Variants in BRINP3 observed in about 807,000 individuals in gnomAD.
BRINP3 encodes the protein BMP/retinoic acid inducible neural specific 3.
In BRINP3, 19 loss-of-function variants were observed where a neutral mutation model predicts 71.0. The observed-to-expected ratio is 0.27, with a 90% CI of 0.19 to 0.39. The LOEUF (loss-of-function observed/expected upper bound fraction) is 0.39. Ranked by LOEUF, BRINP3 falls within the 10% of genes least tolerant of loss-of-function variation. The pLI, the probability that BRINP3 is intolerant of heterozygous loss-of-function variation, is 1.00. For synonymous variants in BRINP3, 380 were observed against 337.7 expected, an observed-to-expected ratio of 1.13 and a Z score of -1.37; for missense variants, 959 against 940.8, an observed-to-expected ratio of 1.02 and a Z score of -0.25.
At chr1:190,379,023 C>T (rs1670352728) in intron 2 of BRINP3, among the ~76,000 whole-genome samples, 2 of 152,182 alleles carry the variant, frequency 1.3e-5, no homozygotes, top group South Asian at 2.1e-4. Flanking sequence ...GAACCTGTGA[C>T]AGGTTAATTA....
chr1:190,311,295 G>T (rs1454619359), intron 2 of BRINP3, among the ~76,000 whole-genome samples: 1 of 151,568 alleles, frequency 6.6e-6, no homozygotes, highest in Non-Finnish European at 1.5e-5. Context: ...TTATATATGA[G>T]AAATATGAGG....
chr1:190,313,750 A>G (rs1387628845), intron 2 of BRINP3, among the ~76,000 whole-genome samples: 3 of 152,046 alleles, frequency 2.0e-5, no homozygotes, highest in Non-Finnish European at 2.9e-5. Context: ...CTAAGGTTTA[A>G]AGAAATAAAT....
intron 2 of BRINP3, among the ~76,000 whole-genome samples, chr1:190,286,978 G>T (rs903109993): frequency 1.3e-5 from 2 of 151,922 alleles, no homozygotes; most frequent in African/African-American, 4.8e-5. Context: ...AAGCACTTTG[G>T]GAGGCTGAGG....
At chr1:190,387,627 ATGT>A (rs770846747) in intron 2 of BRINP3, among the ~76,000 whole-genome samples, 1 of 151,856 alleles carries the variant, frequency 6.6e-6, no homozygotes, top group Non-Finnish European at 1.5e-5. Flanking sequence ...CCAGGACAAC[ATGT>A]TGTCCTGATT....
intron 4 of BRINP3, among the ~76,000 whole-genome samples, chr1:190,248,695 G>A (rs975979919): frequency 2.6e-5 from 4 of 151,486 alleles, no homozygotes. Flanking sequence ...TATATTCAGA[G>A]TCTGTGAGTT....
chr1:190,304,762 A>G (rs908924028), intron 2 of BRINP3, among the ~76,000 whole-genome samples: 1 of 151,864 alleles, frequency 6.6e-6, no homozygotes, highest in African/African-American at 2.4e-5. Flanking sequence ...ATAGATAGAT[A>G]AGATTACATG....
chr1:190,295,988 T>C (rs1558154906), intron 2 of BRINP3, among the ~76,000 whole-genome samples: 1 of 151,858 alleles, frequency 6.6e-6, no homozygotes. Context: ...TAACAATCAC[T>C]GGGAACTTCT....
rs116177340 is a variant in BRINP3 at position 190,366,191 on chromosome 1, C to T, written c.237-84441G>A. Among the ~76,000 whole-genome samples, 494 of 152,068 alleles carry T rather than the reference C, an allele frequency of 3.2e-3. 5 individuals are homozygous for T. The highest frequency in any genetic ancestry group is 0.011 in the African/African-American group (456 of 41,468). The stretch of plus-strand genomic sequence containing the variant: ...TGCCTGAGACTGAGTAATTTATAAA[C>T]GAAAGAAGTTTAATTGAATCACAGT... On this transcript the variant is annotated intron_variant, in intron 2 of 7. Coordinates refer to ENST00000367462, the MANE Select transcript of BRINP3 (RefSeq NM_199051.3).
intron 7 of BRINP3, among the ~76,000 whole-genome samples, chr1:190,134,302 G>T (rs1420131994): frequency 6.6e-6 from 1 of 152,072 alleles, no homozygotes; most frequent in East Asian, 1.9e-4. Flanking sequence ...AGATGCCTCG[G>T]CTTGGCAAGA....
Position 190,274,385 on chromosome 1 carries a change from T to A in BRINP3, c.427+7175A>T, listed in dbSNP as rs532167299. ...CGCCCAGAAAAAAAATTATGTGCAT[T>A]TATGGCAGATGTCTTCCCGGTCATT... On this transcript the variant is annotated intron_variant, in intron 3 of 7. Coordinates refer to ENST00000367462, the MANE Select transcript of BRINP3 (RefSeq NM_199051.3). Among the ~76,000 whole-genome samples the A allele has an allele frequency of 6.6e-5, 10 of 151,682 alleles. No homozygotes were observed. The South Asian group carries it at 2.1e-3, about 31-fold the overall frequency.
intron 2 of BRINP3, among the ~76,000 whole-genome samples, chr1:190,310,959 T>C (rs1380061536): frequency 6.6e-6 from 1 of 151,792 alleles, no homozygotes; most frequent in African/African-American, 2.4e-5. Flanking sequence ...TGCATGTTAC[T>C]TAATTCCATA....
At chr1:190,434,609 C>T (rs1270124861) in intron 2 of BRINP3, among the ~76,000 whole-genome samples, 1 of 151,558 alleles carries the variant, frequency 6.6e-6, no homozygotes, top group Admixed American at 6.6e-5. Context: ...TATTGTTTCT[C>T]TTAAACATAC....
intron 2 of BRINP3, among the ~76,000 whole-genome samples, chr1:190,429,829 T>C (rs1673975237): frequency 6.6e-6 from 1 of 152,066 alleles, no homozygotes; most frequent in Non-Finnish European, 1.5e-5. Flanking sequence ...CATCAAGTCA[T>C]CTGCCCTGCC....
chr1:190,114,965 T>C (rs1653004951), intron 7 of BRINP3, among the ~76,000 whole-genome samples: 1 of 152,208 alleles, frequency 6.6e-6, no homozygotes, highest in Non-Finnish European at 1.5e-5. Flanking sequence ...ATAGCTATCC[T>C]ATATAAAATA....
intron 7 of BRINP3, among the ~76,000 whole-genome samples, chr1:190,148,209 TCTC>T (rs1656064295): frequency 6.6e-6 from 1 of 152,066 alleles, no homozygotes; most frequent in African/African-American, 2.4e-5. Context: ...CATTGCCTCT[TCTC>T]AATGAAATAT....
intron 6 of BRINP3, among the ~76,000 whole-genome samples, chr1:190,180,978 AT>A (rs1242571381): frequency 3.3e-5 from 5 of 152,102 alleles, no homozygotes; most frequent in African/African-American, 1.2e-4. Flanking sequence ...GTATAGTTAT[AT>A]ACCAGTCAAG....
intron 1 of BRINP3, among the ~76,000 whole-genome samples, chr1:190,476,608 T>G (rs1677520689): frequency 6.6e-6 from 1 of 152,128 alleles, no homozygotes; most frequent in Non-Finnish European, 1.5e-5. Context: ...ACACAAGGGT[T>G]GGGGGCAGAC....
At chr1:190,295,785 G>T (rs1664203904) in intron 2 of BRINP3, among the ~76,000 whole-genome samples, 1 of 150,990 alleles carries the variant, frequency 6.6e-6, no homozygotes, top group Non-Finnish European at 1.5e-5. Flanking sequence ...TCCCCAAGCA[G>T]CCAGTTTCTC....
chr1:190,351,092 C>G (rs562357179), intron 2 of BRINP3, among the ~76,000 whole-genome samples: 2 of 152,258 alleles, frequency 1.3e-5, no homozygotes, highest in South Asian at 4.1e-4. Flanking sequence ...GTTTGAGCCA[C>G]TGCGCCCAGC....
Sources: gnomAD v4.1 joint callset for allele counts (sites outside exome capture counted in the v4.1 genomes callset) on GRCh38, gnomAD v4.1.1 for gene constraint, MANE v1.5 for transcripts, NCBI Gene and HGNC (gene_info 2026-07-23, HGNC 2026-07-21) for gene names.